Variants in FMNL2 observed in about 807,000 individuals in gnomAD.
The protein encoded by FMNL2 is formin like 2.
In FMNL2, 51 loss-of-function variants were observed where a neutral mutation model predicts 130.2. The ratio of observed to expected loss-of-function variants is 0.39; its 90% CI spans 0.31 to 0.49. The LOEUF (loss-of-function observed/expected upper bound fraction) is 0.49, where lower values mean the gene tolerates loss of function less well. Among genes scored for constraint, FMNL2 ranks in the 20% least tolerant of loss-of-function variants. The pLI is 0.85. For missense variants in FMNL2, 977 were observed against 1,316.2 expected (o/e 0.74, Z 3.99); for synonymous variants, 465 against 467.1 (o/e 1.00, Z 0.06).
chr2:152,645,861 T>G (rs895083276), intron 25 of FMNL2, among the ~76,000 whole-genome samples: 1 of 152,152 alleles, frequency 6.6e-6, no homozygotes, highest in East Asian at 1.9e-4. Flanking sequence ...CAGGTAACAT[T>G]ACAGCCTTTG....
chr2:152,632,173 A>ATT (rs771363487), intron 21 of FMNL2, 36 bp downstream of exon 21: 1 of 1,593,872 alleles, frequency 6.3e-7, no homozygotes, highest in East Asian at 2.2e-5. Context: ...CGTCTTGGGT[A>ATT]TTTAATGCCT....
chr2:152,416,287 G>C (rs1394669088), intron 1 of FMNL2, among the ~76,000 whole-genome samples: 3 of 152,212 alleles, frequency 2.0e-5, no homozygotes, highest in Non-Finnish European at 4.4e-5. Context: ...TACCTCCAGA[G>C]ACAGGGCAGG....
intron 3 of FMNL2, among the ~76,000 whole-genome samples, chr2:152,548,088 G>A (rs1694743737): frequency 6.6e-6 from 1 of 152,160 alleles, no homozygotes; most frequent in African/African-American, 2.4e-5. Flanking sequence ...TTCCTGGAAG[G>A]GTAGGTGGGA....
At chr2:152,387,877 C>G (rs933490207) in intron 1 of FMNL2, among the ~76,000 whole-genome samples, 3 of 149,930 alleles carry the variant, frequency 2.0e-5, no homozygotes, top group African/African-American at 2.5e-5. Context: ...TGGTCTTGAT[C>G]TCCTGGGCTC....
intron 1 of FMNL2, among the ~76,000 whole-genome samples, chr2:152,486,202 C>A (rs1690821207): frequency 6.6e-6 from 1 of 152,200 alleles, no homozygotes; most frequent in African/African-American, 2.4e-5. Flanking sequence ...TTTCTTGAAT[C>A]AGCAAAAGAA....
At chr2:152,410,012 G>A (rs909251710) in intron 1 of FMNL2, among the ~76,000 whole-genome samples, 2 of 152,170 alleles carry the variant, frequency 1.3e-5, no homozygotes, top group African/African-American at 4.8e-5. Flanking sequence ...GTTTTTAAGT[G>A]ACAGTTTTGG....
At chr2:152,616,978 G>C (rs13417781) in intron 12 of FMNL2, 113 bp from the exon 13 acceptor site, 1 of 792,920 alleles carries the variant, frequency 1.3e-6, no homozygotes, top group African/African-American at 1.7e-5. Flanking sequence ...AACAACTTGC[G>C]GAACACATGC....
intron 3 of FMNL2, among the ~76,000 whole-genome samples, chr2:152,545,930 C>T (rs1489046386): frequency 6.6e-6 from 1 of 152,170 alleles, no homozygotes; most frequent in Non-Finnish European, 1.5e-5. Flanking sequence ...TAGTTTGCCT[C>T]CGTTATCAGG....
At chr2:152,398,096 G>T (rs917528764) in intron 1 of FMNL2, among the ~76,000 whole-genome samples, 2 of 152,162 alleles carry the variant, frequency 1.3e-5, no homozygotes, top group Non-Finnish European at 2.9e-5. Context: ...CTGCACTCCA[G>T]CCTGGGCAAC....
chr2:152,578,987 A>T, intron 8 of FMNL2, 23 bp downstream of exon 8: 1 of 1,596,314 alleles, frequency 6.3e-7, no homozygotes, highest in Non-Finnish European at 8.6e-7. Flanking sequence ...TGTAGTACGC[A>T]AGTCTAAATC....
chr2:152,530,762 A>C (rs374224973), intron 2 of FMNL2, among the ~76,000 whole-genome samples: 1 of 152,238 alleles, frequency 6.6e-6, no homozygotes, highest in Admixed American at 6.5e-5. Context: ...AGTTTAAAAG[A>C]AGTCATTTTC....
At chr2:152,477,383 A>G (rs373164797) in intron 1 of FMNL2, among the ~76,000 whole-genome samples, 2 of 152,346 alleles carry the variant, frequency 1.3e-5, no homozygotes, top group African/African-American at 2.4e-5. Flanking sequence ...TTCTTCATCT[A>G]TAAAATGAGG....
In FMNL2 at chr2:152,648,978, T is replaced by C. The variant is rs1372832182; in HGVS notation, c.*1073T>C. On this transcript the variant is annotated 3_prime_UTR_variant, in exon 26 of 26. Coordinates refer to ENST00000288670, the MANE Select transcript of FMNL2 (RefSeq NM_052905.4). The stretch of plus-strand genomic sequence containing the variant: ...GACTAGATGGCCCACTAAGCCACTG[T>C]TATTTTCCTTCCTCTCTGGCAGGGC... The C allele has an allele frequency of 6.6e-6, 1 of 152,622 alleles. No individual in the cohort carries two copies. The highest frequency in any genetic ancestry group is 1.5e-5 in the Non-Finnish European group (1 of 68,034). 9.5% of individuals were successfully genotyped at this position (152,622 alleles called of 1,614,324 possible).
intron 13 of FMNL2, 53 bp from the exon 14 acceptor site, chr2:152,618,793 C>A: frequency 6.9e-7 from 1 of 1,457,786 alleles, no homozygotes; most frequent in Non-Finnish European, 9.2e-7. Context: ...TCTGATGCTA[C>A]TAAGTATGAA....
At chr2:152,643,430 G>A (rs1683266686) in intron 25 of FMNL2, 1 of 1,535,934 alleles carries the variant, frequency 6.5e-7, no homozygotes, top group African/African-American at 1.4e-5. Flanking sequence ...GCTGAAGACT[G>A]TGCCCTTTAC....
chr2:152,358,094 G>C (rs1412592266), intron 1 of FMNL2, among the ~76,000 whole-genome samples: 1 of 152,190 alleles, frequency 6.6e-6, no homozygotes, highest in Admixed American at 6.5e-5. Flanking sequence ...AGTCTGCTGA[G>C]TCTGCCGAGT....
At chr2:152,541,214 T>G (rs1395051959) in intron 2 of FMNL2, among the ~76,000 whole-genome samples, 1 of 152,186 alleles carries the variant, frequency 6.6e-6, no homozygotes, top group Non-Finnish European at 1.5e-5. Flanking sequence ...TGGAGTGCAG[T>G]GGCACGATCA....
At chr2:152,413,099 A>G (rs1298820042) in intron 1 of FMNL2, among the ~76,000 whole-genome samples, 1 of 152,172 alleles carries the variant, frequency 6.6e-6, no homozygotes, top group Non-Finnish European at 1.5e-5. Context: ...TATAAAACAT[A>G]AAAGATATCA....
intron 1 of FMNL2, among the ~76,000 whole-genome samples, chr2:152,506,691 C>T (rs571104468): frequency 6.6e-6 from 1 of 152,188 alleles, no homozygotes; most frequent in African/African-American, 2.4e-5. Flanking sequence ...TCAGTCATAG[C>T]ATCTTTAGTG....
Sources: gnomAD v4.1 joint callset for allele counts (sites outside exome capture counted in the v4.1 genomes callset) on GRCh38, gnomAD v4.1.1 for gene constraint, MANE v1.5 for transcripts, NCBI Gene and HGNC (gene_info 2026-07-23, HGNC 2026-07-21) for gene names.